TRAPPC9: variants seen among roughly 807,000 people sequenced by gnomAD.
TRAPPC9 encodes the protein IKK2 binding protein.
In TRAPPC9, 83 loss-of-function variants were observed where a neutral mutation model predicts 124.0. The ratio of observed to expected loss-of-function variants is 0.67; its 90% CI spans 0.56 to 0.80. The LOEUF (loss-of-function observed/expected upper bound fraction) is 0.80. Ranked by LOEUF, TRAPPC9 falls within the 30% of genes least tolerant of loss-of-function variation. The pLI, the probability that TRAPPC9 is intolerant of heterozygous loss-of-function variation, is 0.00. For missense variants in TRAPPC9, 1,302 were observed against 1,508.3 expected (o/e 0.86, Z 2.27); for synonymous variants, 638 against 617.5 (o/e 1.03, Z -0.49).
At chr8:139,877,700 G>A (rs773877038) in intron 21 of TRAPPC9, among the ~76,000 whole-genome samples, 2 of 152,168 alleles carry the variant, frequency 1.3e-5, no homozygotes, top group Non-Finnish European at 2.9e-5. Flanking sequence ...GATCACACCC[G>A]CCTCTGTGAG....
At chr8:140,066,590 C>T (rs900425024) in intron 17 of TRAPPC9, among the ~76,000 whole-genome samples, 3 of 152,192 alleles carry the variant, frequency 2.0e-5, no homozygotes, top group Non-Finnish European at 4.4e-5. Flanking sequence ...ATTAGGTTTA[C>T]TCTAGACTAC....
chr8:140,370,957 C>A lies in TRAPPC9; in HGVS notation c.1351+7G>T, dbSNP rs778048742. The A allele has an allele frequency of 6.2e-7, 1 of 1,613,734 alleles. No homozygotes were observed. Among genetic ancestry groups the A allele is most frequent in the African/African-American group, 1.3e-5 (1 of 74,950 alleles). On this transcript the variant is annotated splice_region_variant and intron_variant, in intron 8 of 22. Coordinates refer to ENST00000438773, the MANE Select transcript of TRAPPC9 (RefSeq NM_001160372.4). ...ACACCTTAGCGCCAGCAAGGGGACT[C>A]CAGTACCTCTGCTGAAATCTTTGGG...
upstream of TRAPPC9, chr8:140,458,242 G>A: frequency 6.4e-7 from 1 of 1,551,144 alleles, no homozygotes; most frequent in South Asian, 1.2e-5. Context: ...CTGGGGCGGC[G>A]CAGCTGGAAG....
intron 21 of TRAPPC9, among the ~76,000 whole-genome samples, chr8:139,824,408 G>A (rs947603162): frequency 2.6e-5 from 4 of 152,196 alleles, no homozygotes; most frequent in Non-Finnish European, 5.9e-5. Context: ...CCTTGGAGCT[G>A]CCAGGGCCAC....
intron 20 of TRAPPC9, among the ~76,000 whole-genome samples, chr8:139,901,221 G>A (rs2131220032): frequency 2.0e-5 from 3 of 152,230 alleles, no homozygotes; most frequent in Admixed American, 2.0e-4. Context: ...TAGGCTGTTT[G>A]CATCCCACGC....
rs769795355 is a variant in TRAPPC9, at chr8:140,353,852, G to A, written c.1495+6198C>T. Reference sequence around the variant, plus strand: ...GTACCAGGTGCTGCTCCAGATATGCGTGACAGTTGGTGTCTTTGAGGAGCT... The same window carrying A: ...GTACCAGGTGCTGCTCCAGATATGCATGACAGTTGGTGTCTTTGAGGAGCT... On this transcript the variant is annotated intron_variant, in intron 9 of 22. Coordinates refer to ENST00000438773, the MANE Select transcript of TRAPPC9 (RefSeq NM_001160372.4). The surrounding 1 kb of genome is among the most constrained non-coding windows in gnomAD (Gnocchi z 4.2). Among the ~76,000 whole-genome samples the A allele has an allele frequency of 4.6e-5, 7 of 152,218 alleles. No homozygotes were observed. The highest frequency in any genetic ancestry group is 1.0e-4 in the Non-Finnish European group (7 of 68,036).
intron 17 of TRAPPC9, among the ~76,000 whole-genome samples, chr8:140,143,988 A>G (rs79810242): frequency 0.063 from 9,527 of 152,294 alleles, 554 homozygotes; most frequent in African/African-American, 0.15. Context: ...AGTGCATATC[A>G]AACTTCTCTA....
rs2060619026 is a variant in TRAPPC9 at position 140,103,677 on chromosome 8, A to T, written c.2557-79598T>A. Among the ~76,000 whole-genome samples the T allele has an allele frequency of 2.6e-5, 4 of 152,220 alleles. No homozygotes were observed. In the South Asian group the frequency reaches 8.3e-4, roughly 32 times the overall value. ...GAAGAATAGTTGATACCATATTACT[A>T]ATGATACCTTCATGACTACAAAGCA... is the stretch of plus-strand genomic sequence containing the variant. On this transcript the variant is annotated intron_variant, in intron 17 of 22. Transcript: ENST00000438773.
chr8:140,075,553 G>A (rs916156547), intron 17 of TRAPPC9, among the ~76,000 whole-genome samples: 4 of 152,192 alleles, frequency 2.6e-5, no homozygotes, highest in African/African-American at 7.2e-5. Context: ...AACTGCCTTC[G>A]CTGCCGCCAT....
chr8:139,733,654 T>G (rs1420170831), intron 21 of TRAPPC9, among the ~76,000 whole-genome samples: 2 of 152,156 alleles, frequency 1.3e-5, no homozygotes, highest in Non-Finnish European at 1.5e-5. Context: ...GGAATAAGGA[T>G]GACATGATGG....
chr8:140,252,475 A>AGTT lies in TRAPPC9; in HGVS notation c.2431+299_2431+301dup, dbSNP rs1198002919. ...AATTAGATGTCTAAAGAATCACAGC[A>AGTT]GTTATACTTGAAAAAACGCAGTAAT... On this transcript the variant is annotated intron_variant, in intron 16 of 22. Coordinates refer to ENST00000438773, the MANE Select transcript of TRAPPC9 (RefSeq NM_001160372.4). The surrounding 1 kb of genome is among the most constrained non-coding windows in gnomAD (Gnocchi z 4.2). 2.5e-6 allele frequency: 1 copy of AGTT among 395,266 alleles called. No individual in the cohort carries two copies. Among genetic ancestry groups the AGTT allele is most frequent in the Non-Finnish European group, 4.7e-6 (1 of 213,166 alleles). The allele number at this position is 395,266 out of a possible 1,614,324, so 24.5% of individuals were successfully genotyped here.
At position 139,747,546 on chromosome 8, in the gene TRAPPC9, AGG is replaced by A. The variant is rs1371659976; in HGVS notation, c.3056-15346_3056-15345del. ...ACACACAGCAGGAGTCAGAGCAGGT[AGG>A]GGGGGCGTACAGGGGTCAGAGTGGG... is the stretch of plus-strand genomic sequence containing the variant. On this transcript the variant is annotated intron_variant, in intron 21 of 22. Transcript: ENST00000438773. 2.8e-3 allele frequency among the ~76,000 whole-genome samples: 87 copies of A among 30,552 alleles called. 1 individual carries two copies. Among genetic ancestry groups the A allele is most frequent in the Non-Finnish European group, 6.1e-4 (10 of 16,420 alleles). The allele number at this position is 30,552 out of a possible 152,430, so 20.0% of individuals were successfully genotyped here.
intron 19 of TRAPPC9, among the ~76,000 whole-genome samples, chr8:139,959,419 T>C (rs1370070617): frequency 6.6e-6 from 1 of 152,170 alleles, no homozygotes; most frequent in Admixed American, 6.5e-5. Flanking sequence ...ATTATCCCCA[T>C]TTTATGGCCA....
intron 5 of TRAPPC9, among the ~76,000 whole-genome samples, chr8:140,411,676 T>A (rs543285735): frequency 2.6e-4 from 39 of 152,276 alleles, no homozygotes; most frequent in Admixed American, 1.0e-3. Flanking sequence ...AAAGTAAACA[T>A]ATGTTCAATA....
intron 16 of TRAPPC9, among the ~76,000 whole-genome samples, chr8:140,222,242 ACT>A (rs1449284043): frequency 6.6e-6 from 1 of 150,782 alleles, no homozygotes; most frequent in African/African-American, 2.4e-5. Flanking sequence ...AGCAGCCACC[ACT>A]CTCTGCCACA....
intron 19 of TRAPPC9, among the ~76,000 whole-genome samples, chr8:139,976,283 C>T (rs1183332473): frequency 5.9e-5 from 9 of 152,070 alleles, no homozygotes; most frequent in Non-Finnish European, 1.2e-4. Context: ...AAAAAATTAG[C>T]TCAAAAGGAT....
chr8:139,802,676 G>A (rs1245096816), intron 21 of TRAPPC9, among the ~76,000 whole-genome samples: 2 of 152,238 alleles, frequency 1.3e-5, no homozygotes, highest in African/African-American at 4.8e-5. Context: ...TTACGGGCAA[G>A]AGATCAACTA....
intron 9 of TRAPPC9, among the ~76,000 whole-genome samples, chr8:140,349,409 G>A (rs12545041): frequency 0.1 from 14,656 of 143,840 alleles, 1,052 homozygotes; most frequent in African/African-American, 0.19. Context: ...GGCGCGCGAG[G>A]GAAGGGCACA....
chr8:140,071,957 A>T (rs980438903), intron 17 of TRAPPC9, among the ~76,000 whole-genome samples: 1 of 152,216 alleles, frequency 6.6e-6, no homozygotes, highest in African/African-American at 2.4e-5. Flanking sequence ...TCACAAAATC[A>T]ATGATTAAAA....
Sources: gnomAD v4.1 joint callset for allele counts (sites outside exome capture counted in the v4.1 genomes callset) on GRCh38, gnomAD v4.1.1 for gene constraint, Gnocchi (gnomAD v3.1) non-coding constraint, MANE v1.5 for transcripts, NCBI Gene and HGNC (gene_info 2026-07-23, HGNC 2026-07-21) for gene names.